Variants in HEYL observed in about 807,000 individuals in gnomAD.
HEYL encodes hairy/enhancer-of-split related with YRPW motif-like protein.
HEYL carries 12 observed loss-of-function variants against 18.6 expected under a neutral mutation model. The observed-to-expected ratio is 0.65, with a 90% CI of 0.41 to 1.05. The LOEUF is 1.05. Among genes scored for constraint, HEYL ranks in the 50% least tolerant of loss-of-function variants. The pLI, the probability that HEYL is intolerant of heterozygous loss-of-function variation, is 0.00. For synonymous variants in HEYL, 159 were observed against 179.6 expected (o/e 0.89, Z 0.91); for missense variants, 420 against 444.7 (o/e 0.94, Z 0.50).
intron 1 of HEYL, among the ~76,000 whole-genome samples, chr1:39,636,313 C>T (rs1384923922): frequency 6.6e-6 from 1 of 151,576 alleles, no homozygotes; most frequent in African/African-American, 2.4e-5. Flanking sequence ...GTCACCCAGG[C>T]TGGAGTGCAG....
At chr1:39,630,568 G>T (rs1247751317) in intron 3 of HEYL, among the ~76,000 whole-genome samples, 3 of 152,084 alleles carry the variant, frequency 2.0e-5, no homozygotes, top group African/African-American at 7.2e-5. Context: ...ACTGTTTCTG[G>T]GCTCTCCTTT....
chr1:39,637,489 G>A (rs1646367076), intron 1 of HEYL, among the ~76,000 whole-genome samples: 1 of 152,176 alleles, frequency 6.6e-6, no homozygotes, highest in African/African-American at 2.4e-5. Flanking sequence ...GGATACATCT[G>A]GGCCCCCTAT....
At chr1:39,636,550 G>A (rs1646363195) in intron 1 of HEYL, among the ~76,000 whole-genome samples, 1 of 152,156 alleles carries the variant, frequency 6.6e-6, no homozygotes, top group Non-Finnish European at 1.5e-5. Context: ...ACAGGCGTGA[G>A]CCACCGTGCC....
rs942293039 is a variant in HEYL at position 39,626,642 on chromosome 1, A to AG, written c.851dup (p.Gly285TrpfsTer37). The AG allele has an allele frequency of 6.5e-6, 10 of 1,538,808 alleles. No individual in the cohort carries two copies. The African/African-American group carries it at 1.4e-4, about 21-fold the overall frequency. ...CGTAAGCAGCCGACCCTGTAGGACC[A>AG]GGGGGTGTTGGGGAGGAAGACTGCA... On this transcript the variant is annotated frameshift_variant, in exon 5 of 5. Transcript: ENST00000372852. LOFTEE classifies it low-confidence loss of function (END_TRUNC).
rs1326136245 is a variant in HEYL, at chr1:39,631,582, A to G, written c.148-3T>C. The G allele has an allele frequency of 1.2e-6, 2 of 1,613,658 alleles. No individual in the cohort carries two copies. Among genetic ancestry groups the G allele is most frequent in the Admixed American group, 1.7e-5 (1 of 60,014 alleles). ...TCTCGACGCCGTTTCTCTATGATCT[A>G]AACAATCATGACAAGAAGTTACTCA... is the stretch of plus-strand genomic sequence containing the variant. On this transcript the variant is annotated splice_region_variant and splice_polypyrimidine_tract_variant and intron_variant, in intron 2 of 4. Transcript: ENST00000372852.
intron 1 of HEYL, among the ~76,000 whole-genome samples, chr1:39,634,424 C>A (rs1148943): frequency 0.18 from 27,765 of 152,164 alleles, 3,080 homozygotes; most frequent in South Asian, 0.41. Flanking sequence ...AGGCCACCAT[C>A]TTTCAGGTGG....
intron 1 of HEYL, among the ~76,000 whole-genome samples, chr1:39,635,248 A>T (rs149317169): frequency 6.6e-5 from 10 of 152,334 alleles, no homozygotes; most frequent in African/African-American, 2.4e-4. Context: ...GTAAGGCCAG[A>T]TCTTGAGATC....
chr1:39,623,549 A>C lies in HEYL; in HGVS notation c.*2958T>G, dbSNP rs1390447742. Among the ~76,000 whole-genome samples the C allele has an allele frequency of 6.6e-6, 1 of 152,164 alleles. No homozygotes were observed. The highest frequency in any genetic ancestry group is 6.5e-5 in the Admixed American group (1 of 15,276). On this transcript the variant is annotated 3_prime_UTR_variant, in exon 5 of 5. Transcript: ENST00000372852. ...ATGGCACCTGGCCTCATGAGCTTAC[A>C]CTCGAGTGGGAGGCACAGTCAACCA... is the stretch of plus-strand genomic sequence containing the variant.
At chr1:39,627,237 G>T in intron 4 of HEYL, 57 bp from the exon 5 acceptor site, 2 of 1,493,744 alleles carry the variant, frequency 1.3e-6, no homozygotes, top group East Asian at 2.3e-5. Context: ...CATGGAGCCT[G>T]GGTCTGACTG....
At chr1:39,635,321 C>T (rs2124121163) in intron 1 of HEYL, among the ~76,000 whole-genome samples, 1 of 152,332 alleles carries the variant, frequency 6.6e-6, no homozygotes, top group African/African-American at 2.4e-5. Context: ...AGAGCCAAGA[C>T]ACACTAAGAA....
chr1:39,632,000 C>T (rs1160161925), intron 2 of HEYL, among the ~76,000 whole-genome samples: 1 of 152,188 alleles, frequency 6.6e-6, no homozygotes, highest in Non-Finnish European at 1.5e-5. Flanking sequence ...CTGCAGGGCC[C>T]TTCCACCCAC....
At chr1:39,638,960 G>A (rs1408835460) in intron 1 of HEYL, among the ~76,000 whole-genome samples, 2 of 152,192 alleles carry the variant, frequency 1.3e-5, no homozygotes, top group Non-Finnish European at 2.9e-5. Flanking sequence ...CAGTATGGGG[G>A]CACGATAGGA....
At position 39,633,126 on chromosome 1, in the gene HEYL, C is replaced by T. The variant is rs1219226594; in HGVS notation, c.81-411G>A. The T allele has an allele frequency of 8.1e-6, 8 of 983,814 alleles. No individual in the cohort carries two copies. In the African/African-American group the frequency reaches 1.2e-4, roughly 15 times the overall value. The allele number at this position is 983,814 out of a possible 1,614,324, so 60.9% of individuals were successfully genotyped here. On this transcript the variant is annotated intron_variant, in intron 1 of 4. Transcript: ENST00000372852. ...GGAACGAGCGTGGAAAGAGCAGATGCCGCTGCTTCCCACGGGCCGGGCGCG... is the reference window on the plus strand; with the variant it reads ...GGAACGAGCGTGGAAAGAGCAGATGTCGCTGCTTCCCACGGGCCGGGCGCG...
At chr1:39,627,314 C>G in intron 4 of HEYL, 134 bp from the exon 5 acceptor site, 1 of 733,446 alleles carries the variant, frequency 1.4e-6, no homozygotes, top group Non-Finnish European at 2.2e-6. Flanking sequence ...TCCTGCCTCT[C>G]TGAGCCTGTC....
In HEYL at chr1:39,626,396, C is replaced by T; in HGVS notation, c.*111G>A. On this transcript the variant is annotated 3_prime_UTR_variant, in exon 5 of 5. Coordinates refer to ENST00000372852, the MANE Select transcript of HEYL (RefSeq NM_014571.4). ...GGCCTCTGATGGCTGGAGAACGTGC[C>T]TTCACATATGAGCCAGTCCATGAAG... 1 of 996,984 alleles carries T rather than the reference C, an allele frequency of 1.0e-6. No homozygotes were observed. Among genetic ancestry groups the T allele is most frequent in the Non-Finnish European group, 1.4e-6 (1 of 699,882 alleles). 61.8% of individuals were successfully genotyped at this position (996,984 alleles called of 1,614,324 possible).
rs2746053 is a variant in HEYL, at chr1:39,627,570, A to T, written c.314-390T>A. Among the ~76,000 whole-genome samples the T allele has an allele frequency of 3.3e-3, 502 of 152,366 alleles. 2 individuals are homozygous for T. The highest frequency in any genetic ancestry group is 0.01 in the Middle Eastern group (3 of 294). The stretch of plus-strand genomic sequence containing the variant: ...CAACTCTGCCTGCTGAGAGGGGCAG[A>T]TGCCCAGGAAGGGAGGTGGCGGCAG... On this transcript the variant is annotated intron_variant, in intron 4 of 4. Transcript: ENST00000372852.
chr1:39,631,508 G>A lies in HEYL; in HGVS notation c.219C>T (p.Ala73=). The A allele has an allele frequency of 1.2e-6, 2 of 1,614,084 alleles. No individual in the cohort carries two copies. Among genetic ancestry groups the A allele is most frequent in the Non-Finnish European group, 1.7e-6 (2 of 1,179,938 alleles). The part of the protein sequence containing the change: ...LSELRRLVPT[A]FEKQGSSKLE... ...CAATGTCACATACCTGTTTCTCAAA[G>A]GCAGTGGGGACCAAGCGTCGCAATT... The change falls in exon 3 of 5, where the codon GCC becomes GCT. Residue 73 remains alanine, a synonymous_variant. Coordinates refer to ENST00000372852, the MANE Select transcript of HEYL (RefSeq NM_014571.4).
At chr1:39,639,033 C>A (rs996681606) in intron 1 of HEYL, among the ~76,000 whole-genome samples, 1 of 152,114 alleles carries the variant, frequency 6.6e-6, no homozygotes, top group Non-Finnish European at 1.5e-5. Flanking sequence ...AATACTAAGT[C>A]CCTAAATCCA....
In HEYL at chr1:39,626,992, C is replaced by T. The variant is rs1646303395; in HGVS notation, c.502G>A (p.Gly168Ser). Residue 168 changes from glycine (G) to serine (S), a missense_variant, in exon 5 of 5, where the codon GGC becomes AGC. Gly to Ser is a moderately conservative substitution (Grantham distance 56, BLOSUM62 0). Transcript: ENST00000372852. ...GGCCAGGCAGGGAAGGCCAAAGGGCCAGTGGGCGTGGGCGAAGGCTCCATC... is the reference window on the plus strand; with the variant it reads ...GGCCAGGCAGGGAAGGCCAAAGGGCTAGTGGGCGTGGGCGAAGGCTCCATC... ...AEMEPSPTPTGPLAFPAWPWS... is the reference protein window; with the variant it reads ...AEMEPSPTPTSPLAFPAWPWS... 1.2e-6 allele frequency: 2 copies of T among 1,614,010 alleles called. No individual in the cohort carries two copies. The highest frequency in any genetic ancestry group is 1.7e-6 in the Non-Finnish European group (2 of 1,180,004).
Sources: allele counts gnomAD v4.1 joint callset (sites outside exome capture counted in the v4.1 genomes callset), GRCh38; gene constraint gnomAD v4.1.1; transcripts MANE v1.5; gene names NCBI Gene and HGNC (gene_info 2026-07-23, HGNC 2026-07-21).